The following AFF3 variants were observed in gnomAD, a reference collection of about 807,000 sequenced individuals.
The protein encoded by AFF3 is ALF transcription elongation factor 3.
Under a neutral mutation model 129.7 loss-of-function variants are expected in AFF3, and 32 were observed. The observed-to-expected ratio is 0.25, with a 90% CI of 0.19 to 0.33. AFF3 has a LOEUF of 0.33. Ranked by LOEUF, AFF3 falls within the 10% of genes least tolerant of loss-of-function variation. AFF3 has a pLI of 1.00. For missense variants in AFF3, 1,373 were observed against 1,592.0 expected (o/e 0.86, Z 2.34); for synonymous variants, 644 against 635.4 (o/e 1.01, Z -0.20).
At chr2:99,872,096 C>T (rs1298196159) in intron 7 of AFF3, among the ~76,000 whole-genome samples, 1 of 150,012 alleles carries the variant, frequency 6.7e-6, no homozygotes, top group Non-Finnish European at 1.5e-5. Flanking sequence ...GTCCCAGCTA[C>T]TCGGGAGGCT....
At chr2:99,567,017 G>C (rs1676034758) in intron 19 of AFF3, among the ~76,000 whole-genome samples, 1 of 151,010 alleles carries the variant, frequency 6.6e-6, no homozygotes, top group African/African-American at 2.4e-5. Flanking sequence ...ACCCAGGCTG[G>C]AGTGCAGTGG....
At chr2:99,712,823 T>C (rs1231254387) in intron 11 of AFF3, among the ~76,000 whole-genome samples, 1 of 152,126 alleles carries the variant, frequency 6.6e-6, no homozygotes, top group East Asian at 1.9e-4. Context: ...GGCCAAAAGG[T>C]GGAGCCAACC....
At chr2:99,929,840 G>A (rs911090765) in intron 7 of AFF3, among the ~76,000 whole-genome samples, 7 of 151,538 alleles carry the variant, frequency 4.6e-5, no homozygotes, top group Admixed American at 1.3e-4. Context: ...AAATGAGCAT[G>A]ACATTAAAAT....
chr2:99,659,670 A>G (rs1014188901), intron 12 of AFF3, among the ~76,000 whole-genome samples: 13 of 152,180 alleles, frequency 8.5e-5, no homozygotes, highest in Admixed American at 8.5e-4. Flanking sequence ...GCCTTGGTGG[A>G]ATTTAATGCA....
At chr2:99,820,406 T>C (rs1417339871) in intron 8 of AFF3, among the ~76,000 whole-genome samples, 1 of 152,080 alleles carries the variant, frequency 6.6e-6, no homozygotes, top group Non-Finnish European at 1.5e-5. Flanking sequence ...ATGGTCCATC[T>C]GTATAGGGCT....
At chr2:99,558,812 C>G (rs1430164337) in intron 22 of AFF3, 63 bp downstream of exon 22, 26 of 1,535,610 alleles carry the variant, frequency 1.7e-5, no homozygotes, top group Non-Finnish European at 2.2e-5. Flanking sequence ...CCAGGTGCTT[C>G]ACAAATTTGA....
At chr2:99,896,101 A>C (rs888797494) in intron 7 of AFF3, among the ~76,000 whole-genome samples, 1 of 143,164 alleles carries the variant, frequency 7.0e-6, no homozygotes, top group African/African-American at 2.6e-5. Flanking sequence ...AAGCTATCTC[A>C]TTTTTTCTTT....
At chr2:99,790,119 C>T (rs1303465771) in intron 8 of AFF3, among the ~76,000 whole-genome samples, 1 of 152,230 alleles carries the variant, frequency 6.6e-6, no homozygotes, top group African/African-American at 2.4e-5. Context: ...ATTTACCAAC[C>T]TGCCTTAGAA....
At chr2:99,734,393 C>G (rs996401865) in intron 10 of AFF3, among the ~76,000 whole-genome samples, 2 of 151,754 alleles carry the variant, frequency 1.3e-5, no homozygotes, top group Admixed American at 6.6e-5. Flanking sequence ...ATTGCCTCGA[C>G]CAAGGATGTC....
At chr2:99,896,619 GCTTT>G (rs1693973584) in intron 7 of AFF3, among the ~76,000 whole-genome samples, 1 of 44,190 alleles carries the variant, frequency 2.3e-5, no homozygotes, top group African/African-American at 6.5e-5. Context: ...CTGTCAAAAT[GCTTT>G]TTTTTTTTTT....
At chr2:99,695,062 T>A (rs947623016) in intron 11 of AFF3, among the ~76,000 whole-genome samples, 1 of 152,150 alleles carries the variant, frequency 6.6e-6, no homozygotes, top group Non-Finnish European at 1.5e-5. Context: ...ATTTTAATAA[T>A]ATATTTCACT....
At chr2:99,853,410 A>T (rs896982869) in intron 7 of AFF3, among the ~76,000 whole-genome samples, 2 of 152,192 alleles carry the variant, frequency 1.3e-5, no homozygotes, top group Non-Finnish European at 2.9e-5. Flanking sequence ...GATAGTAAGG[A>T]AGATTAAAAG....
intron 4 of AFF3, among the ~76,000 whole-genome samples, chr2:100,013,023 T>C (rs1203973463): frequency 1.3e-5 from 2 of 152,218 alleles, no homozygotes; most frequent in Non-Finnish European, 2.9e-5. Context: ...TTGTTGCAGA[T>C]GCATAACATT....
At chr2:99,865,531 T>C (rs1691326864) in intron 7 of AFF3, among the ~76,000 whole-genome samples, 1 of 152,282 alleles carries the variant, frequency 6.6e-6, no homozygotes, top group South Asian at 2.1e-4. Context: ...AAATGAAATG[T>C]AATAGAGATA....
chr2:100,073,115 G>T (rs1688326487), intron 4 of AFF3, among the ~76,000 whole-genome samples: 1 of 152,168 alleles, frequency 6.6e-6, no homozygotes, highest in Admixed American at 6.5e-5. Flanking sequence ...GTTGAATTGT[G>T]TCCCTGCAGA....
At chr2:99,844,112 A>C (rs1689528128) in intron 7 of AFF3, among the ~76,000 whole-genome samples, 1 of 152,296 alleles carries the variant, frequency 6.6e-6, no homozygotes, top group African/African-American at 2.4e-5. Context: ...AAAGATACAA[A>C]AAAAGACCTG....
At chr2:99,733,998 T>C (rs72817073) in intron 10 of AFF3, among the ~76,000 whole-genome samples, 16,908 of 152,182 alleles carry the variant, frequency 0.11, 1,207 homozygotes, top group East Asian at 0.24. Context: ...CTGTATTAAA[T>C]CTATAGATAT....
intron 11 of AFF3, among the ~76,000 whole-genome samples, chr2:99,695,158 T>C (rs1302847628): frequency 1.3e-5 from 2 of 152,192 alleles, no homozygotes; most frequent in Non-Finnish European, 2.9e-5. Flanking sequence ...TGCAAAGTGT[T>C]CACAATCATC....
chr2:99,850,537 C>A (rs1027240836), intron 7 of AFF3, among the ~76,000 whole-genome samples: 6 of 152,126 alleles, frequency 3.9e-5, no homozygotes, highest in Non-Finnish European at 1.5e-5. Flanking sequence ...CCCAAAAGTT[C>A]TTTTTCACAG....
Sources: allele counts gnomAD v4.1 joint callset (sites outside exome capture counted in the v4.1 genomes callset), GRCh38; gene constraint gnomAD v4.1.1; transcripts MANE v1.5; gene names NCBI Gene and HGNC (gene_info 2026-07-23, HGNC 2026-07-21).